Variants in ARB2A observed in about 807,000 individuals in gnomAD.
ARB2A encodes cotranscriptional regulator ARB2A.
chr5:93,641,757 A>T, the ARB2A span, among the ~76,000 whole-genome samples: 7 of 152,238 alleles, frequency 4.6e-5, no homozygotes, highest in African/African-American at 9.6e-5. Context: ...TAAACATTTT[A>T]AAAATATCAT....
chr5:94,019,674 C>A, the ARB2A span, among the ~76,000 whole-genome samples: 1 of 152,192 alleles, frequency 6.6e-6, no homozygotes, highest in Admixed American at 6.5e-5. Context: ...TGCTTTTACA[C>A]TTTTGGTGGG....
chr5:93,942,960 CTTG>C, the ARB2A span, among the ~76,000 whole-genome samples: 1 of 152,034 alleles, frequency 6.6e-6, no homozygotes, highest in Admixed American at 6.6e-5. Flanking sequence ...ACACATACAA[CTTG>C]TTATTTTTAA....
chr5:93,939,660 T>A, the ARB2A span, among the ~76,000 whole-genome samples: 4 of 152,204 alleles, frequency 2.6e-5, no homozygotes, highest in South Asian at 8.3e-4. Flanking sequence ...TCATTACCAC[T>A]GTATTACTGC....
the ARB2A span, among the ~76,000 whole-genome samples, chr5:94,089,902 C>G: frequency 6.6e-6 from 1 of 152,086 alleles, no homozygotes; most frequent in Non-Finnish European, 1.5e-5. Flanking sequence ...CTTTCCCTTT[C>G]AAAACGACTA....
the ARB2A span, among the ~76,000 whole-genome samples, chr5:94,091,549 A>G: frequency 6.6e-6 from 1 of 152,216 alleles, no homozygotes; most frequent in Admixed American, 6.5e-5. Flanking sequence ...GAAGTCCTGT[A>G]AGTCATAGCT....
chr5:93,663,075 A>C, the ARB2A span, among the ~76,000 whole-genome samples: 1 of 152,096 alleles, frequency 6.6e-6, no homozygotes, highest in Non-Finnish European at 1.5e-5. Flanking sequence ...TCATGACTCA[A>C]TCACCCCACA....
chr5:93,914,695 A>C, the ARB2A span, among the ~76,000 whole-genome samples: 29 of 151,900 alleles, frequency 1.9e-4, no homozygotes, highest in African/African-American at 7.0e-4. Flanking sequence ...ATCCGGAATA[A>C]AATAAATTTC....
chr5:93,971,569 A>AAAGTAAAT, the ARB2A span, among the ~76,000 whole-genome samples: 2 of 139,356 alleles, frequency 1.4e-5, no homozygotes, highest in Non-Finnish European at 1.5e-5. Flanking sequence ...CTCCGTCTCA[A>AAAGTAAAT]AAATAAATAA....
the ARB2A span, among the ~76,000 whole-genome samples, chr5:93,922,664 A>AGGAAGGG: frequency 3.1e-5 from 1 of 31,778 alleles, no homozygotes; most frequent in Non-Finnish European, 5.4e-5. Flanking sequence ...GGGAGGGAGG[A>AGGAAGGG]AGGGAGGGAG....
At chr5:93,753,375 G>C in the ARB2A span, among the ~76,000 whole-genome samples, 4 of 152,210 alleles carry the variant, frequency 2.6e-5, no homozygotes, top group Non-Finnish European at 2.9e-5. Context: ...AGTAAGTTCA[G>C]TCAGTGTAAA....
the ARB2A span, among the ~76,000 whole-genome samples, chr5:94,089,334 C>T: frequency 3.3e-5 from 5 of 152,116 alleles, no homozygotes; most frequent in South Asian, 2.1e-4. Context: ...CTAGCACTAT[C>T]GCTTAGTCTA....
the ARB2A span, among the ~76,000 whole-genome samples, chr5:93,768,592 T>C: frequency 6.6e-6 from 1 of 151,710 alleles, no homozygotes; most frequent in African/African-American, 2.4e-5. Flanking sequence ...TGTGTGTGTG[T>C]ATATATATGT....
the ARB2A span, among the ~76,000 whole-genome samples, chr5:93,811,776 C>T: frequency 6.6e-6 from 1 of 152,110 alleles, no homozygotes; most frequent in Non-Finnish European, 1.5e-5. Context: ...GTGCCCGGTG[C>T]ATTATCATTT....
the ARB2A span, among the ~76,000 whole-genome samples, chr5:93,878,142 G>A: frequency 6.6e-6 from 1 of 152,064 alleles, no homozygotes; most frequent in Non-Finnish European, 1.5e-5. Context: ...AGTGCTGTTT[G>A]ACTTTTTGTT....
the ARB2A span, among the ~76,000 whole-genome samples, chr5:93,883,924 T>TACACACACAC: frequency 4.0e-4 from 54 of 133,894 alleles, no homozygotes; most frequent in African/African-American, 8.0e-4. Flanking sequence ...CACATACACA[T>TACACACACAC]ACACACACAC....
At chr5:93,898,428 T>C in the ARB2A span, among the ~76,000 whole-genome samples, 1 of 152,132 alleles carries the variant, frequency 6.6e-6, no homozygotes, top group African/African-American at 2.4e-5. Flanking sequence ...CTGTATCTTC[T>C]TTTGTTTGAT....
At chr5:93,776,248 A>C in the ARB2A span, 2 of 1,602,598 alleles carry the variant, frequency 1.2e-6, no homozygotes, top group Non-Finnish European at 1.7e-6. Flanking sequence ...ACAGTTCTGC[A>C]ATGTAATAGA....
At chr5:93,670,794 T>C in the ARB2A span, among the ~76,000 whole-genome samples, 2 of 152,236 alleles carry the variant, frequency 1.3e-5, no homozygotes, top group African/African-American at 4.8e-5. Context: ...TCAAAGACTA[T>C]AGTCAGTCCT....
the ARB2A span, among the ~76,000 whole-genome samples, chr5:93,717,829 C>T: frequency 6.7e-6 from 1 of 150,000 alleles, no homozygotes; most frequent in Non-Finnish European, 1.5e-5. Flanking sequence ...CTGTATAATT[C>T]ATATTCTTTT....
Sources: gnomAD v4.1 joint callset for allele counts (sites outside exome capture counted in the v4.1 genomes callset) on GRCh38, gnomAD v4.1.1 for gene constraint, MANE v1.5 for transcripts, NCBI Gene and HGNC (gene_info 2026-07-23, HGNC 2026-07-21) for gene names.